Variants in ADAM23 observed in about 807,000 individuals in gnomAD.
The protein encoded by ADAM23 is ADAM metallopeptidase domain 23.
A neutral mutation model predicts 120.1 loss-of-function variants in ADAM23; 33 were observed. The observed-to-expected ratio is 0.27, with a 90% confidence interval of 0.21 to 0.37. ADAM23 has a LOEUF of 0.37. ADAM23 is among the 10% of genes least tolerant of loss of function. The probability of loss-of-function intolerance (pLI) is 1.00; values close to 1 mark genes in which losing one functional copy is unlikely to be tolerated. For missense variants in ADAM23, 862 were observed against 1,058.2 expected (o/e 0.81, Z 2.57); for synonymous variants, 367 against 375.2 (o/e 0.98, Z 0.25).
chr2:206,616,362 G>T (rs1006422516), intron 25 of ADAM23, among the ~76,000 whole-genome samples: 10 of 152,222 alleles, frequency 6.6e-5, no homozygotes, highest in Non-Finnish European at 1.2e-4. Context: ...GATAGTGTTG[G>T]CTGCAATGGT....
intron 3 of ADAM23, among the ~76,000 whole-genome samples, chr2:206,492,881 A>C (rs1411659305): frequency 6.6e-6 from 1 of 152,306 alleles, no homozygotes; most frequent in Middle Eastern, 3.4e-3. Context: ...CTGACTAAAA[A>C]TGTGTTTGAA....
intron 3 of ADAM23, among the ~76,000 whole-genome samples, chr2:206,521,164 A>G (rs1696835845): frequency 6.6e-6 from 1 of 152,126 alleles, no homozygotes; most frequent in Non-Finnish European, 1.5e-5. Flanking sequence ...GTAGTAGGCT[A>G]ACTGCTGCCT....
At chr2:206,541,110 G>C (rs1280898300) in intron 4 of ADAM23, among the ~76,000 whole-genome samples, 1 of 151,524 alleles carries the variant, frequency 6.6e-6, no homozygotes, top group Non-Finnish European at 1.5e-5. Flanking sequence ...AGGTTGTAGT[G>C]AGCTGAGATC....
chr2:206,480,540 G>T (rs1288490194), intron 2 of ADAM23, among the ~76,000 whole-genome samples: 1 of 148,288 alleles, frequency 6.7e-6, no homozygotes, highest in African/African-American at 2.5e-5. Context: ...TTATTGATTT[G>T]TTAATTTGCA....
At chr2:206,591,980 C>A (rs186600626) in intron 21 of ADAM23, among the ~76,000 whole-genome samples, 2 of 152,176 alleles carry the variant, frequency 1.3e-5, no homozygotes, top group Admixed American at 1.3e-4. Flanking sequence ...ATTCTTTGCC[C>A]ATTTTTTAGG....
chr2:206,558,245 A>G (rs1697685994), intron 10 of ADAM23, among the ~76,000 whole-genome samples: 1 of 152,208 alleles, frequency 6.6e-6, no homozygotes, highest in Non-Finnish European at 1.5e-5. Context: ...TAAATATAGA[A>G]TATTACTCCA....
At chr2:206,481,170 TA>T in intron 2 of ADAM23, 61 bp from the exon 3 acceptor site, 1 of 1,288,916 alleles carries the variant, frequency 7.8e-7, no homozygotes, top group Non-Finnish European at 1.1e-6. Flanking sequence ...TCATTCTTGA[TA>T]ATAATCTGTC....
intron 5 of ADAM23, among the ~76,000 whole-genome samples, chr2:206,542,784 C>T (rs1294803936): frequency 3.3e-5 from 5 of 152,036 alleles, no homozygotes; most frequent in Middle Eastern, 3.2e-3. Context: ...AATTTATAAG[C>T]GTAAAGATAC....
intron 3 of ADAM23, among the ~76,000 whole-genome samples, chr2:206,493,661 C>G (rs1696178466): frequency 6.6e-6 from 1 of 152,248 alleles, no homozygotes. Context: ...CGTGAGCCAC[C>G]ACACCTAGCC....
intron 2 of ADAM23, among the ~76,000 whole-genome samples, chr2:206,447,883 A>G (rs1574472464): frequency 6.6e-6 from 1 of 152,292 alleles, no homozygotes; most frequent in East Asian, 1.9e-4. Context: ...AAATTCCCAA[A>G]TATAGGTTGC....
chr2:206,479,677 T>C (rs1695855181), intron 2 of ADAM23, among the ~76,000 whole-genome samples: 1 of 152,064 alleles, frequency 6.6e-6, no homozygotes, highest in Non-Finnish European at 1.5e-5. Flanking sequence ...GAAGTTTCTC[T>C]CTCTCTCTCT....
intron 3 of ADAM23, among the ~76,000 whole-genome samples, chr2:206,518,933 C>T (rs539926615): frequency 6.6e-6 from 1 of 152,234 alleles, no homozygotes; most frequent in East Asian, 1.9e-4. Context: ...ATCAAATAGA[C>T]GTGTGTGTTA....
chr2:206,571,951 G>T, intron 17 of ADAM23, 135 bp downstream of exon 17: 1 of 657,350 alleles, frequency 1.5e-6, no homozygotes, highest in Non-Finnish European at 2.6e-6. Context: ...CAGTTTTCTA[G>T]GATCGATAAA....
At chr2:206,547,281 TA>T in intron 6 of ADAM23, 147 bp from the exon 7 acceptor site, 1 of 545,064 alleles carries the variant, frequency 1.8e-6, no homozygotes, top group South Asian at 3.6e-5. Flanking sequence ...AAGATTTCAA[TA>T]AGACATACTT....
At chr2:206,501,605 TACTATATTTTA>T (rs1457343381) in intron 3 of ADAM23, among the ~76,000 whole-genome samples, 3 of 144,416 alleles carry the variant, frequency 2.1e-5, no homozygotes, top group African/African-American at 8.8e-5. Flanking sequence ...GCATGAAAAA[TACTATATTTTA>T]AGCACATAAG....
chr2:206,613,547 T>A (rs1204311180), intron 25 of ADAM23, among the ~76,000 whole-genome samples: 1 of 152,192 alleles, frequency 6.6e-6, no homozygotes, highest in Non-Finnish European at 1.5e-5. Flanking sequence ...ATGCTCCTGT[T>A]CTTCCCCATC....
intron 2 of ADAM23, among the ~76,000 whole-genome samples, chr2:206,448,775 TC>T (rs1271866586): frequency 6.6e-6 from 1 of 152,212 alleles, no homozygotes; most frequent in African/African-American, 2.4e-5. Context: ...AGGGTGGAGT[TC>T]CTGGGGAGGG....
intron 2 of ADAM23, among the ~76,000 whole-genome samples, chr2:206,461,559 T>A (rs1045043303): frequency 2.0e-5 from 3 of 152,198 alleles, no homozygotes; most frequent in African/African-American, 7.2e-5. Flanking sequence ...CAAACTTTAG[T>A]GTGAGTTGGA....
intron 2 of ADAM23, among the ~76,000 whole-genome samples, chr2:206,464,676 G>A (rs1232648897): frequency 6.6e-6 from 1 of 152,162 alleles, no homozygotes; most frequent in Non-Finnish European, 1.5e-5. Context: ...TACATAGAGA[G>A]TAGGGGTTCT....
Sources: gnomAD v4.1 joint callset for allele counts (sites outside exome capture counted in the v4.1 genomes callset) on GRCh38, gnomAD v4.1.1 for gene constraint, MANE v1.5 for transcripts, NCBI Gene and HGNC (gene_info 2026-07-23, HGNC 2026-07-21) for gene names.